LDLRAD4: variants seen among roughly 807,000 people sequenced by gnomAD.
The protein encoded by LDLRAD4 is low-density lipoprotein receptor class A domain-containing protein 4.
A neutral mutation model predicts 17.0 loss-of-function variants in LDLRAD4; 5 were observed. The observed-to-expected ratio is 0.29, with a 90% CI of 0.15 to 0.62. The LOEUF (loss-of-function observed/expected upper bound fraction) is 0.62. Among genes scored for constraint, LDLRAD4 ranks in the 20% least tolerant of loss-of-function variants. LDLRAD4 has a pLI of 0.84. For missense variants in LDLRAD4, 340 were observed against 424.7 expected, an observed-to-expected ratio of 0.80 and a Z score of 1.75; for synonymous variants, 168 against 171.8, an observed-to-expected ratio of 0.98 and a Z score of 0.17.
At chr18:13,582,367 G>C (rs2094873590) in intron 3 of LDLRAD4, among the ~76,000 whole-genome samples, 1 of 152,236 alleles carries the variant, frequency 6.6e-6, no homozygotes, top group Non-Finnish European at 1.5e-5. Flanking sequence ...CAGCATGGTA[G>C]CTGCGCCATC....
At chr18:13,649,959 C>A (rs1325447733) in exon 6 of LDLRAD4, 2 of 397,836 alleles carry the variant, frequency 5.0e-6, no homozygotes, top group Non-Finnish European at 8.8e-6. Flanking sequence ...GGGAGAACTT[C>A]CCCTTCTTGG....
intron 2 of LDLRAD4, among the ~76,000 whole-genome samples, chr18:13,413,984 TTTC>T (rs1306664585): frequency 6.6e-6 from 1 of 152,150 alleles, no homozygotes; most frequent in Non-Finnish European, 1.5e-5. Flanking sequence ...TACCCGAGGT[TTTC>T]TTGTTTGTGA....
intron 1 of LDLRAD4, among the ~76,000 whole-genome samples, chr18:13,383,680 C>T (rs953225611): frequency 2.0e-5 from 3 of 152,206 alleles, no homozygotes; most frequent in African/African-American, 7.2e-5. Flanking sequence ...TTGTCCAGAA[C>T]AGGGCCTGCA....
intron 1 of LDLRAD4, among the ~76,000 whole-genome samples, chr18:13,282,937 G>T (rs1262216078): frequency 6.6e-6 from 1 of 152,200 alleles, no homozygotes; most frequent in Non-Finnish European, 1.5e-5. Context: ...CTTGACTTCT[G>T]TGTACCCGCA....
intron 2 of LDLRAD4, among the ~76,000 whole-genome samples, chr18:13,405,884 G>A (rs1427105926): frequency 6.6e-6 from 1 of 152,094 alleles, no homozygotes; most frequent in African/African-American, 2.4e-5. Flanking sequence ...TCCTGGGCCC[G>A]CTCCTGTCGC....
intron 2 of LDLRAD4, among the ~76,000 whole-genome samples, chr18:13,396,779 G>A (rs1481918897): frequency 5.9e-5 from 9 of 152,110 alleles, no homozygotes; most frequent in Non-Finnish European, 1.5e-5. Flanking sequence ...CACTGCGCCT[G>A]GCCTATTTTT....
intron 1 of LDLRAD4, among the ~76,000 whole-genome samples, chr18:13,227,593 C>T (rs1484422491): frequency 1.3e-5 from 2 of 152,130 alleles, no homozygotes; most frequent in Non-Finnish European, 2.9e-5. Flanking sequence ...AAGAAATACC[C>T]GAGACTGGGT....
intron 3 of LDLRAD4, among the ~76,000 whole-genome samples, chr18:13,597,257 T>G (rs890239992): frequency 2.0e-4 from 31 of 152,310 alleles, no homozygotes; most frequent in African/African-American, 7.0e-4. Flanking sequence ...GTCTTCTGGC[T>G]TTCATTGTTT....
intron 3 of LDLRAD4, among the ~76,000 whole-genome samples, chr18:13,517,377 A>C (rs531195672): frequency 3.5e-4 from 53 of 152,342 alleles, no homozygotes; most frequent in Non-Finnish European, 6.3e-4. Context: ...TGCACGATAC[A>C]CATGAGTAAT....
chr18:13,303,945 A>G (rs376261267), intron 1 of LDLRAD4, among the ~76,000 whole-genome samples: 1 of 152,218 alleles, frequency 6.6e-6, no homozygotes, highest in Non-Finnish European at 1.5e-5. Context: ...TCTGCAAACT[A>G]TGGCCTGAAG....
At position 13,503,358 on chromosome 18, in the gene LDLRAD4, C is replaced by T. The variant is rs570054272; in HGVS notation, c.181+64974C>T. Among the ~76,000 whole-genome samples, 9 of 152,344 alleles carry T rather than the reference C, an allele frequency of 5.9e-5. 3 individuals are homozygous for T. Among genetic ancestry groups the T allele is most frequent in the Admixed American group, 5.9e-4 (9 of 15,302 alleles). On this transcript the variant is annotated intron_variant, in intron 3 of 5. Coordinates refer to ENST00000359446, the Ensembl canonical transcript of LDLRAD4. ...GATAGCAGGCAACCTGCCATTGTTC[C>T]CAGCCGGCAGCGTGGTCCCTGCCAC...
At chr18:13,226,559 A>T (rs895278836) in intron 1 of LDLRAD4, among the ~76,000 whole-genome samples, 1 of 151,876 alleles carries the variant, frequency 6.6e-6, no homozygotes, top group African/African-American at 2.4e-5. Flanking sequence ...TTTCTTTCCT[A>T]TCTTTTTATT....
intron 3 of LDLRAD4, among the ~76,000 whole-genome samples, chr18:13,511,539 T>C (rs2093779030): frequency 6.6e-6 from 1 of 152,212 alleles, no homozygotes; most frequent in African/African-American, 2.4e-5. Flanking sequence ...ACACAGGTTA[T>C]CAGTGTACTA....
In LDLRAD4 at chr18:13,232,575, C is replaced by G. The variant is rs549218219; in HGVS notation, c.-467+13587C>G. On this transcript the variant is annotated intron_variant, in intron 1 of 5. Coordinates refer to the LDLRAD4 transcript ENST00000399848. ...CCTTGTCCGGGGGCTGCTGCTGCCC[C>G]GTGCTGTGCTCCACAAGCCTCTATG... Among the ~76,000 whole-genome samples, 158 of 152,212 alleles carry G rather than the reference C, an allele frequency of 1.0e-3. 2 individuals carry two copies. Among genetic ancestry groups the G allele is most frequent in the Middle Eastern group, 0.01 (3 of 294 alleles).
Position 13,645,441 on chromosome 18 carries a change from G to C in LDLRAD4, c.705G>C (p.Ser235=). Reference sequence around the variant, plus strand: ...GTCCATGCCCACCCAGCAGCAACTCGGGCATCAGTGCAAGCACCTGCAGCA... The same window carrying C: ...GTCCATGCCCACCCAGCAGCAACTCCGGCATCAGTGCAAGCACCTGCAGCA... The change falls in exon 6 of 6, where the codon TCG becomes TCC. Residue 235 remains serine, a synonymous_variant. Coordinates refer to ENST00000359446, the Ensembl canonical transcript of LDLRAD4. This position sits in a 1 kb window ranked among gnomAD's most constrained non-coding sequence, Gnocchi z 5.7. 6.2e-7 allele frequency: 1 copy of C among 1,613,948 alleles called. No homozygotes were observed. The highest frequency in any genetic ancestry group is 8.5e-7 in the Non-Finnish European group (1 of 1,179,998).
At chr18:13,495,173 T>C (rs1468531637) in intron 3 of LDLRAD4, among the ~76,000 whole-genome samples, 1 of 152,174 alleles carries the variant, frequency 6.6e-6, no homozygotes. Context: ...AAAATTCCAG[T>C]GTACACCAGT....
chr18:13,465,357 A>G (rs2092580330), intron 3 of LDLRAD4, among the ~76,000 whole-genome samples: 1 of 152,340 alleles, frequency 6.6e-6, no homozygotes, highest in South Asian at 2.1e-4. Context: ...TTGGTGTCAG[A>G]AATGAAAAGA....
intron 3 of LDLRAD4, chr18:13,488,941 T>C (rs1465579847): frequency 2.0e-5 from 3 of 152,156 alleles, no homozygotes; most frequent in Non-Finnish European, 4.4e-5. Flanking sequence ...ATTTCAAGGA[T>C]GAGTCAGAAA....
chr18:13,420,565 A>T (rs568604522), intron 2 of LDLRAD4: 4 of 152,342 alleles, frequency 2.6e-5, no homozygotes, highest in African/African-American at 9.6e-5. Context: ...TAAGGAAAAC[A>T]CAGCTTAAAT....
Sources: allele counts gnomAD v4.1 joint callset (sites outside exome capture counted in the v4.1 genomes callset), GRCh38; gene constraint gnomAD v4.1.1; non-coding constraint Gnocchi (gnomAD v3.1); transcripts MANE v1.5; gene names NCBI Gene and HGNC (gene_info 2026-07-23, HGNC 2026-07-21).